The following GPHN variants were observed in gnomAD, a reference collection of about 807,000 sequenced individuals.
The protein encoded by GPHN is gephyrin.
GPHN carries 17 observed loss-of-function variants against 95.5 expected under a neutral mutation model. That is an observed-to-expected ratio of 0.18 (90% CI 0.12 to 0.27). The LOEUF is 0.27. GPHN is among the 10% of genes least tolerant of loss of function. The pLI, the probability that GPHN is intolerant of heterozygous loss-of-function variation, is 1.00. For missense variants in GPHN, 660 were observed against 978.1 expected (o/e 0.67, Z 4.34); for synonymous variants, 320 against 322.5 (o/e 0.99, Z 0.08).
At chr14:66,971,264 A>G (rs902061671) in intron 9 of GPHN, among the ~76,000 whole-genome samples, 3 of 152,172 alleles carry the variant, frequency 2.0e-5, no homozygotes, top group African/African-American at 4.8e-5. Context: ...GGAGGCGGAG[A>G]TTGCTGTGAG....
chr14:67,139,633 CCTTT>C (rs930923826), intron 17 of GPHN, among the ~76,000 whole-genome samples: 3 of 152,110 alleles, frequency 2.0e-5, no homozygotes, highest in African/African-American at 4.8e-5. Flanking sequence ...CATAGTAATA[CCTTT>C]TCAGTCTAGC....
chr14:66,752,296 G>C (rs549061527), intron 2 of GPHN, among the ~76,000 whole-genome samples: 1 of 151,926 alleles, frequency 6.6e-6, no homozygotes, highest in Non-Finnish European at 1.5e-5. Flanking sequence ...CTTTCCCTTT[G>C]TATGCACTAC....
At chr14:67,480,356 C>G in the GPHN span, among the ~76,000 whole-genome samples, 1 of 152,114 alleles carries the variant, frequency 6.6e-6, no homozygotes, top group African/African-American at 2.4e-5. Flanking sequence ...CTCAGGAGAA[C>G]AAAACTCCCA....
chr14:66,879,590 A>G (rs983862242), intron 4 of GPHN, among the ~76,000 whole-genome samples: 1 of 152,102 alleles, frequency 6.6e-6, no homozygotes, highest in Non-Finnish European at 1.5e-5. Context: ...GAAAATACCC[A>G]GATTACTTAC....
rs367997271 is a variant in GPHN at position 66,845,819 on chromosome 14, CTGTGTGTG to C, written c.294+21287_294+21294del. Reference sequence around the variant, plus strand: ...TTAGGTAATGTGCACATACATGCCTCTGTGTGTGTGTGTGTGTGTGTGTGTGTGTGTGT... The same window carrying C: ...TTAGGTAATGTGCACATACATGCCTCTGTGTGTGTGTGTGTGTGTGTGTGT... On this transcript the variant is annotated intron_variant, in intron 4 of 22. Transcript: ENST00000478722. Among the ~76,000 whole-genome samples, 692 of 143,398 alleles carry C rather than the reference CTGTGTGTG, an allele frequency of 4.8e-3. 7 individuals are homozygous for C. The highest frequency in any genetic ancestry group is 0.016 in the African/African-American group (610 of 39,262). The allele number at this position is 143,398 out of a possible 152,430, so 94.1% of individuals were successfully genotyped here.
chr14:66,665,518 A>G (rs983798306), intron 1 of GPHN, among the ~76,000 whole-genome samples: 2 of 152,234 alleles, frequency 1.3e-5, no homozygotes, highest in Non-Finnish European at 2.9e-5. Flanking sequence ...ATCACTGGCC[A>G]TCAGAGAAAT....
chr14:66,529,263 G>A (rs1436608661), intron 1 of GPHN, among the ~76,000 whole-genome samples: 1 of 151,562 alleles, frequency 6.6e-6, no homozygotes, highest in Non-Finnish European at 1.5e-5. Flanking sequence ...TTCGGCTGTT[G>A]ATACTTGTGT....
intron 4 of GPHN, among the ~76,000 whole-genome samples, chr14:66,856,908 T>A (rs1453266833): frequency 6.6e-6 from 1 of 152,066 alleles, no homozygotes. Context: ...ATTCAGTGTA[T>A]TTTTTTCCTT....
chr14:67,499,206 G>A, the GPHN span, among the ~76,000 whole-genome samples: 1 of 152,104 alleles, frequency 6.6e-6, no homozygotes, highest in African/African-American at 2.4e-5. Flanking sequence ...GTCCTGCTAT[G>A]TTGCTCAGGC....
chr14:66,805,434 A>G (rs951854878), intron 3 of GPHN, among the ~76,000 whole-genome samples: 3 of 152,146 alleles, frequency 2.0e-5, no homozygotes, highest in South Asian at 2.1e-4. Flanking sequence ...TGCCTTCTCA[A>G]CAGTCCCCTG....
chr14:66,743,637 G>T (rs548917595), intron 2 of GPHN, among the ~76,000 whole-genome samples: 2 of 152,162 alleles, frequency 1.3e-5, no homozygotes, highest in Non-Finnish European at 2.9e-5. Context: ...AGCTACTTGG[G>T]AGGCTGAGGC....
intron 17 of GPHN, 38 bp downstream of exon 17, chr14:67,122,415 A>G (rs1397120273): frequency 6.3e-7 from 1 of 1,592,110 alleles, no homozygotes; most frequent in South Asian, 1.1e-5. Context: ...TTTGTATTGT[A>G]CAAATACGAG....
intron 17 of GPHN, among the ~76,000 whole-genome samples, chr14:67,133,600 G>A (rs1400687697): frequency 6.6e-6 from 1 of 152,088 alleles, no homozygotes; most frequent in African/African-American, 2.4e-5. Context: ...AGTTGCTTTG[G>A]AATTGAGCCC....
At chr14:66,667,688 C>G (rs1262931683) in intron 1 of GPHN, among the ~76,000 whole-genome samples, 1 of 151,842 alleles carries the variant, frequency 6.6e-6, no homozygotes, top group Non-Finnish European at 1.5e-5. Flanking sequence ...AAACCCGAAA[C>G]TATAAAAACC....
intron 9 of GPHN, among the ~76,000 whole-genome samples, chr14:66,988,784 A>G (rs1213303283): frequency 6.6e-6 from 1 of 152,016 alleles, no homozygotes; most frequent in Non-Finnish European, 1.5e-5. Flanking sequence ...AAATCTCTAA[A>G]TTGGTTTTGG....
chr14:67,664,411 G>A, the GPHN span, among the ~76,000 whole-genome samples: 1 of 152,098 alleles, frequency 6.6e-6, no homozygotes, highest in African/African-American at 2.4e-5. Context: ...GCTGTTGCAC[G>A]TATGGGGATA....
chr14:67,383,216 A>G, the GPHN span: 1 of 1,323,644 alleles, frequency 7.6e-7, no homozygotes, highest in African/African-American at 1.5e-5. Context: ...GTTGTTAGAA[A>G]AGTGTTAAAG....
chr14:67,303,530 G>T, the GPHN span: 1 of 1,612,584 alleles, frequency 6.2e-7, no homozygotes, highest in Non-Finnish European at 8.5e-7. Context: ...AGTCTGATAT[G>T]CATGGTACTT....
At chr14:66,671,771 C>T (rs2066318122) in intron 1 of GPHN, among the ~76,000 whole-genome samples, 1 of 152,052 alleles carries the variant, frequency 6.6e-6, no homozygotes, top group Non-Finnish European at 1.5e-5. Flanking sequence ...CATAATATTC[C>T]TTTATTATCC....
Sources: allele counts gnomAD v4.1 joint callset (sites outside exome capture counted in the v4.1 genomes callset), GRCh38; gene constraint gnomAD v4.1.1; transcripts MANE v1.5; gene names NCBI Gene and HGNC (gene_info 2026-07-23, HGNC 2026-07-21).